CADM2: variants seen among roughly 807,000 people sequenced by gnomAD.
The protein encoded by CADM2 is immunoglobulin superfamily member 4D.
Under a neutral mutation model 49.8 loss-of-function variants are expected in CADM2, and 12 were observed. The ratio of observed to expected loss-of-function variants is 0.24; its 90% CI spans 0.15 to 0.39. The LOEUF (loss-of-function observed/expected upper bound fraction) is 0.39, where lower values mean the gene tolerates loss of function less well. Among genes scored for constraint, CADM2 ranks in the 10% least tolerant of loss-of-function variants. The pLI, the probability that CADM2 is intolerant of heterozygous loss-of-function variation, is 1.00. For synonymous variants in CADM2, 214 were observed against 175.4 expected (o/e 1.22, Z -1.74); for missense variants, 378 against 492.3 (o/e 0.77, Z 2.20).
intron 1 of CADM2, among the ~76,000 whole-genome samples, chr3:84,979,953 C>T (rs2032068142): frequency 1.3e-5 from 2 of 152,092 alleles, no homozygotes; most frequent in South Asian, 4.2e-4. Context: ...GTAACTAATC[C>T]AAAATTTCAC....
At position 85,910,719 on chromosome 3, in the gene CADM2, A is replaced by G. The variant is rs369732986; in HGVS notation, c.530-1654A>G. On this transcript the variant is annotated intron_variant, in intron 5 of 9. Coordinates refer to ENST00000383699, the MANE Select transcript of CADM2 (RefSeq NM_001167675.2). The stretch of plus-strand genomic sequence containing the variant: ...TTCTTACTCTTCAGAATTGCCTAAC[A>G]TACATAAAACATTTTGTGGTAAAAA... 1.1e-4 allele frequency among the ~76,000 whole-genome samples: 17 copies of G among 152,222 alleles called. 3 individuals are homozygous for G. Among genetic ancestry groups the G allele is most frequent in the African/African-American group, 4.1e-4 (17 of 41,580 alleles).
intron 1 of CADM2, among the ~76,000 whole-genome samples, chr3:85,124,512 G>A (rs957620576): frequency 6.6e-6 from 1 of 152,028 alleles, no homozygotes; most frequent in Non-Finnish European, 1.5e-5. Context: ...GGCTGAGGCA[G>A]GAGGATCCTT....
At chr3:85,577,528 A>G (rs555602650) in intron 1 of CADM2, among the ~76,000 whole-genome samples, 142 of 152,288 alleles carry the variant, frequency 9.3e-4, no homozygotes, top group African/African-American at 3.3e-3. Context: ...ACTTTAAGAC[A>G]TAAGTTTATT....
intron 1 of CADM2, among the ~76,000 whole-genome samples, chr3:85,631,197 A>G (rs964308704): frequency 6.6e-6 from 1 of 151,966 alleles, no homozygotes; most frequent in Non-Finnish European, 1.5e-5. Flanking sequence ...CTCTTCAGAG[A>G]AGCATTTCTG....
intron 1 of CADM2, among the ~76,000 whole-genome samples, chr3:85,515,900 T>C (rs1030529313): frequency 2.0e-5 from 3 of 152,100 alleles, no homozygotes; most frequent in Non-Finnish European, 2.9e-5. Context: ...TATTCTAAAA[T>C]TAAATAAGGC....
intron 3 of CADM2, among the ~76,000 whole-genome samples, chr3:85,844,982 T>C (rs1307334372): frequency 6.6e-6 from 1 of 151,202 alleles, no homozygotes; most frequent in Non-Finnish European, 1.5e-5. Context: ...GAGATGCCTA[T>C]CTTTACAAAA....
chr3:85,138,005 A>G (rs12494948), intron 1 of CADM2, among the ~76,000 whole-genome samples: 4,649 of 152,230 alleles, frequency 0.031, 102 homozygotes, highest in East Asian at 0.044. Flanking sequence ...AGATTGAAAT[A>G]GATGTAATGC....
intron 1 of CADM2, among the ~76,000 whole-genome samples, chr3:85,065,637 A>T (rs969522170): frequency 1.3e-5 from 2 of 152,122 alleles, no homozygotes; most frequent in African/African-American, 4.8e-5. Flanking sequence ...TAAAATCCAT[A>T]TTTGCTGAAT....
At chr3:85,148,036 G>C (rs1289447166) in intron 1 of CADM2, among the ~76,000 whole-genome samples, 2 of 152,166 alleles carry the variant, frequency 1.3e-5, no homozygotes. Flanking sequence ...TATAAACTTT[G>C]TAAGTCAGAT....
chr3:85,880,853 T>C (rs534396065), intron 3 of CADM2, among the ~76,000 whole-genome samples: 2 of 152,324 alleles, frequency 1.3e-5, no homozygotes, highest in South Asian at 2.1e-4. Flanking sequence ...TGTATCTCGA[T>C]ATAGAGTTCT....
chr3:85,207,474 G>A lies in CADM2; in HGVS notation c.61+247806G>A, dbSNP rs536178376. Among the ~76,000 whole-genome samples, 15 of 152,108 alleles carry A rather than the reference G, an allele frequency of 9.9e-5. No individual in the cohort carries two copies. The South Asian group carries it at 3.1e-3, about 32-fold the overall frequency. Reference sequence around the variant, plus strand: ...TATAATCTCTTCATATTCTTCTCATGTCTTTCTATTTCATATCAGTTGCCA... The same window carrying A: ...TATAATCTCTTCATATTCTTCTCATATCTTTCTATTTCATATCAGTTGCCA... On this transcript the variant is annotated intron_variant, in intron 1 of 9. Coordinates refer to ENST00000383699, the MANE Select transcript of CADM2 (RefSeq NM_001167675.2).
At chr3:85,268,169 G>T (rs1295483401) in intron 1 of CADM2, among the ~76,000 whole-genome samples, 1 of 151,420 alleles carries the variant, frequency 6.6e-6, no homozygotes, top group Non-Finnish European at 1.5e-5. Context: ...AGGATGAACT[G>T]GTTTCTAGGT....
intron 7 of CADM2, among the ~76,000 whole-genome samples, chr3:85,958,406 A>G (rs376413041): frequency 1.3e-5 from 2 of 152,012 alleles, no homozygotes; most frequent in South Asian, 4.1e-4. Flanking sequence ...TCAAGGATCT[A>G]GAACCAGAAA....
At chr3:85,579,475 G>A (rs557531117) in intron 1 of CADM2, among the ~76,000 whole-genome samples, 30 of 152,220 alleles carry the variant, frequency 2.0e-4, no homozygotes, top group Middle Eastern at 6.8e-3. Flanking sequence ...AGGCTGCTAT[G>A]CTGACTTGTC....
intron 1 of CADM2, among the ~76,000 whole-genome samples, chr3:85,370,290 G>A (rs1183618756): frequency 6.7e-6 from 1 of 149,926 alleles, no homozygotes; most frequent in African/African-American, 2.4e-5. Flanking sequence ...TGTGGTGGCG[G>A]GGGCGCCTGT....
chr3:84,959,521 C>T lies in CADM2; in HGVS notation c.-87C>T. On this transcript the variant is annotated 5_prime_UTR_variant, in exon 1 of 10. Coordinates refer to ENST00000383699, the MANE Select transcript of CADM2 (RefSeq NM_001167675.2). ...GGTCCGGCGGGCGCCGGGAGGAGGA[C>T]ACCAGCGGAGCCCTGCACTCTCGTG... 1 of 1,308,582 alleles carries T rather than the reference C, an allele frequency of 7.6e-7. No individual in the cohort carries two copies. Among genetic ancestry groups the T allele is most frequent in the South Asian group, 1.3e-5 (1 of 77,514 alleles). The allele number at this position is 1,308,582 out of a possible 1,614,324, so 81.1% of individuals were successfully genotyped here.
intron 3 of CADM2, among the ~76,000 whole-genome samples, chr3:85,871,380 T>C (rs1433767827): frequency 2.6e-5 from 4 of 152,160 alleles, no homozygotes. Context: ...TAAGATACCA[T>C]TCACAGTTTT....
intron 2 of CADM2, among the ~76,000 whole-genome samples, chr3:85,740,080 A>T (rs1255454318): frequency 1.3e-5 from 2 of 152,240 alleles, no homozygotes; most frequent in Non-Finnish European, 2.9e-5. Context: ...TGTCAGGGTG[A>T]AACAACTGAA....
intron 1 of CADM2, among the ~76,000 whole-genome samples, chr3:85,543,358 G>A (rs895987504): frequency 1.3e-5 from 2 of 151,044 alleles, no homozygotes; most frequent in African/African-American, 2.4e-5. Flanking sequence ...AGGCTCAAGC[G>A]ATTCTCCTGC....
Sources: allele counts gnomAD v4.1 joint callset (sites outside exome capture counted in the v4.1 genomes callset), GRCh38; gene constraint gnomAD v4.1.1; transcripts MANE v1.5; gene names NCBI Gene and HGNC (gene_info 2026-07-23, HGNC 2026-07-21).